Variants in RAI14 observed in about 807,000 individuals in gnomAD.
RAI14 encodes the protein retinoic acid induced 14.
A neutral mutation model predicts 115.4 loss-of-function variants in RAI14; 45 were observed. The observed-to-expected ratio is 0.39, with a 90% CI of 0.31 to 0.50. The LOEUF (loss-of-function observed/expected upper bound fraction) is 0.50. Ranked by LOEUF, RAI14 falls within the 20% of genes least tolerant of loss-of-function variation. The pLI, the probability that RAI14 is intolerant of heterozygous loss-of-function variation, is 0.85. For missense variants in RAI14, 939 were observed against 1,131.2 expected (o/e 0.83, Z 2.44); for synonymous variants, 371 against 415.4 (o/e 0.89, Z 1.30).
In RAI14 at chr5:34,811,959, A is replaced by G. The variant is rs2150260603; in HGVS notation, c.736+14A>G. The G allele has an allele frequency of 6.3e-7, 1 of 1,591,938 alleles. No individual in the cohort carries two copies. The highest frequency in any genetic ancestry group is 1.1e-5 in the South Asian group (1 of 89,714). On this transcript the variant is annotated intron_variant, in intron 9 of 17. Coordinates refer to ENST00000265109, the MANE Select transcript of RAI14 (RefSeq NM_015577.3). ...CTCAGGATGCTGGTATGTAAAAGAA[A>G]ATAGCCAATGTTGTTTTAAGTTTAT...
At chr5:34,724,142 G>A (rs1053909108) in intron 2 of RAI14, among the ~76,000 whole-genome samples, 5 of 152,112 alleles carry the variant, frequency 3.3e-5, no homozygotes, top group African/African-American at 9.7e-5. Flanking sequence ...TCAGCCTCCT[G>A]AGTAGCTGGG....
chr5:34,671,325 GA>G (rs1410701052), intron 1 of RAI14, among the ~76,000 whole-genome samples: 4 of 152,176 alleles, frequency 2.6e-5, no homozygotes, highest in African/African-American at 9.7e-5. Context: ...GCCTTTGAGT[GA>G]AATAAAATTG....
At chr5:34,728,726 T>C (rs1414139045) in intron 2 of RAI14, 5 of 151,530 alleles carry the variant, frequency 3.3e-5, no homozygotes, top group African/African-American at 1.2e-4. Flanking sequence ...ATTAGCAGCA[T>C]GAAAACAGAC....
At chr5:34,811,702 T>C (rs1217072499) in intron 8 of RAI14, 65 bp from the exon 9 acceptor site, 1 of 1,406,210 alleles carries the variant, frequency 7.1e-7, no homozygotes, top group African/African-American at 1.5e-5. Flanking sequence ...TTAAGACAAC[T>C]GATTTCCCAA....
At chr5:34,688,047 T>C in intron 2 of RAI14, 1 of 1,425,800 alleles carries the variant, frequency 7.0e-7, no homozygotes, top group African/African-American at 1.4e-5. Flanking sequence ...AAAAAGTTGA[T>C]CTTACCTTCT....
At chr5:34,783,080 G>C (rs933210077) in intron 3 of RAI14, among the ~76,000 whole-genome samples, 2 of 152,158 alleles carry the variant, frequency 1.3e-5, no homozygotes. Context: ...AGGCATTATT[G>C]CCAGCCAAGA....
intron 2 of RAI14, among the ~76,000 whole-genome samples, chr5:34,720,335 CAA>C (rs1257638700): frequency 1.3e-5 from 2 of 149,820 alleles, no homozygotes; most frequent in Non-Finnish European, 1.5e-5. Context: ...TATATGGAGT[CAA>C]GTTAGTCTAT....
chr5:34,746,080 A>T (rs1192450729), intron 2 of RAI14, among the ~76,000 whole-genome samples: 6 of 41,202 alleles, frequency 1.5e-4, no homozygotes, highest in South Asian at 8.8e-4. Context: ...CTCCCCTTAT[A>T]CACCACCCCC....
chr5:34,762,950 T>C (rs1288702475), intron 3 of RAI14, among the ~76,000 whole-genome samples: 3 of 149,016 alleles, frequency 2.0e-5, no homozygotes, highest in Non-Finnish European at 3.0e-5. Context: ...TGTGTGTGTG[T>C]GTGTGTGTGT....
At chr5:34,720,885 C>T (rs1742625359) in intron 2 of RAI14, among the ~76,000 whole-genome samples, 1 of 151,986 alleles carries the variant, frequency 6.6e-6, no homozygotes, top group Admixed American at 6.6e-5. Context: ...AGAGCTAGTT[C>T]TCACTATGTT....
At chr5:34,755,553 G>A (rs1366491996) in intron 2 of RAI14, among the ~76,000 whole-genome samples, 2 of 152,164 alleles carry the variant, frequency 1.3e-5, no homozygotes, top group African/African-American at 4.8e-5. Context: ...GGTGGGGGTA[G>A]GAGGACTGTC....
rs537508970 is a variant in RAI14 at position 34,665,866 on chromosome 5, G to T, written c.-49+9391G>T. Among the ~76,000 whole-genome samples the T allele has an allele frequency of 1.1e-3, 165 of 152,270 alleles. 1 individual carries two copies. Among genetic ancestry groups the T allele is most frequent in the African/African-American group, 3.9e-3 (160 of 41,546 alleles). On this transcript the variant is annotated intron_variant, in intron 1 of 17. Transcript: ENST00000265109. The stretch of plus-strand genomic sequence containing the variant: ...CAGTTCGAAAACCTATCATACATGA[G>T]TGAAAAGTAATAATTGTGGGTTTTA...
chr5:34,707,677 G>T (rs1740874256), intron 2 of RAI14, among the ~76,000 whole-genome samples: 1 of 152,150 alleles, frequency 6.6e-6, no homozygotes, highest in African/African-American at 2.4e-5. Flanking sequence ...CTTAATTGAA[G>T]TGTATTCAAG....
chr5:34,799,685 A>ATTTTTTTTTTTTTTTTTTTTTT (rs57115550), intron 4 of RAI14, among the ~76,000 whole-genome samples: 2 of 103,414 alleles, frequency 1.9e-5, no homozygotes, highest in African/African-American at 7.9e-5. Context: ...ATCTGTTAGC[A>ATTTTTTTTTTTTTTTTTTTTTT]TTTTTTTTTT....
chr5:34,796,271 A>T (rs1753522739), intron 4 of RAI14, among the ~76,000 whole-genome samples: 1 of 151,986 alleles, frequency 6.6e-6, no homozygotes, highest in African/African-American at 2.4e-5. Flanking sequence ...GGTGGCATGC[A>T]CCTGTAATCC....
intron 5 of RAI14, among the ~76,000 whole-genome samples, chr5:34,807,544 G>A (rs1359954593): frequency 6.6e-6 from 1 of 152,064 alleles, no homozygotes; most frequent in Non-Finnish European, 1.5e-5. Context: ...TCTATTAGCT[G>A]GTGGGGTGCT....
At chr5:34,691,616 T>C (rs1738613519) in intron 2 of RAI14, among the ~76,000 whole-genome samples, 1 of 152,158 alleles carries the variant, frequency 6.6e-6, no homozygotes, top group Non-Finnish European at 1.5e-5. Context: ...GGGTGGAGGT[T>C]GAGGGATGGG....
At position 34,813,996 on chromosome 5, in the gene RAI14, G is replaced by A. The variant is rs192159834; in HGVS notation, c.852+336G>A. Among the ~76,000 whole-genome samples, 276 of 152,268 alleles carry A rather than the reference G, an allele frequency of 1.8e-3. 4 individuals are homozygous for A. The highest frequency in any genetic ancestry group is 3.1e-4 in the Non-Finnish European group (21 of 68,020). ...TCCTTATGTTAAAAGATCTAGTAAG[G>A]ACTGGGAGAATGAGTAGCCATTGAG... On this transcript the variant is annotated intron_variant, in intron 11 of 17. Transcript: ENST00000265109.
chr5:34,795,789 A>G (rs1753441989), intron 3 of RAI14, 150 bp from the exon 4 acceptor site: 2 of 519,398 alleles, frequency 3.9e-6, no homozygotes, highest in Non-Finnish European at 6.9e-6. Flanking sequence ...TTAAAGTGAG[A>G]TTGATAATAA....
Sources: gnomAD v4.1 joint callset for allele counts (sites outside exome capture counted in the v4.1 genomes callset) on GRCh38, gnomAD v4.1.1 for gene constraint, MANE v1.5 for transcripts, NCBI Gene and HGNC (gene_info 2026-07-23, HGNC 2026-07-21) for gene names.